The following RUSC2 variants were observed in gnomAD, a reference collection of about 807,000 sequenced individuals.
RUSC2 encodes AP-4 complex accessory subunit RUSC2.
RUSC2 carries 34 observed loss-of-function variants against 122.2 expected under a neutral mutation model. That is an observed-to-expected ratio of 0.28 (90% CI 0.21 to 0.37). The LOEUF is 0.37. RUSC2 is among the 10% of genes least tolerant of loss of function. The pLI is 1.00. For synonymous variants in RUSC2, 784 were observed against 790.0 expected, an observed-to-expected ratio of 0.99 and a Z score of 0.13; for missense variants, 1,747 against 1,952.4, an observed-to-expected ratio of 0.89 and a Z score of 1.98.
chr9:35,537,350 A>G (rs915706098), intron 1 of RUSC2, among the ~76,000 whole-genome samples: 2 of 152,092 alleles, frequency 1.3e-5, no homozygotes, highest in East Asian at 1.9e-4. Flanking sequence ...TGCTTATCCA[A>G]CCCCGCTTTG....
intron 5 of RUSC2, 34 bp downstream of exon 5, chr9:35,556,482 T>C (rs1382691928): frequency 6.2e-7 from 1 of 1,604,254 alleles, no homozygotes; most frequent in Non-Finnish European, 8.5e-7. Flanking sequence ...CCAGGGACTC[T>C]GCTGTCACTA....
intron 1 of RUSC2, among the ~76,000 whole-genome samples, chr9:35,491,913 C>CA (rs373632432): frequency 1.1e-4 from 16 of 152,190 alleles, no homozygotes; most frequent in African/African-American, 3.9e-4. Context: ...GCAGATGTTG[C>CA]AGTGAGCTGA....
At position 35,555,558 on chromosome 9, in the gene RUSC2, A is replaced by G. The variant is rs1000150531; in HGVS notation, c.2513A>G (p.Gln838Arg). The G allele has an allele frequency of 6.2e-7, 1 of 1,614,038 alleles. No individual in the cohort carries two copies. The highest frequency in any genetic ancestry group is 1.7e-5 in the Admixed American group (1 of 59,980). The change falls in exon 3 of 12, where the codon CAG becomes CGG. Residue 838 changes from glutamine (Q) to arginine (R), a missense_variant. Transcript: ENST00000361226. This position sits in a 1 kb window ranked among gnomAD's most constrained non-coding sequence, Gnocchi z 4.6. The stretch of plus-strand genomic sequence containing the variant: ...TCCCAGCAGCCGCAGAAGGAGGATC[A>G]GAAGATACTGACCTTGACTGAGTAC... ...ATSQQPQKED[Q>R]KILTLTEYRL...
chr9:35,526,232 A>G (rs1406029203), intron 1 of RUSC2, among the ~76,000 whole-genome samples: 3 of 152,126 alleles, frequency 2.0e-5, no homozygotes, highest in African/African-American at 7.2e-5. Flanking sequence ...GGATCTCTCT[A>G]TTGCTTATGA....
intron 1 of RUSC2, among the ~76,000 whole-genome samples, chr9:35,510,230 C>CT (rs925111844): frequency 6.6e-6 from 1 of 152,130 alleles, no homozygotes; most frequent in African/African-American, 2.4e-5. Flanking sequence ...AAGTAATTGG[C>CT]TGGGCATATG....
rs1822150610 is a variant in RUSC2 at position 35,561,033 on chromosome 9, G to A, written c.4285G>A (p.Glu1429Lys). ...LVAQTVGSRREPEPKESLQEP... is the reference protein window; with the variant it reads ...LVAQTVGSRRKPEPKESLQEP... ...GGCGCAGACAGTGGGTTCCCGCCGG[G>A]AGCCAGAGCCCAAGGAGAGCCTGCA... is the stretch of plus-strand genomic sequence containing the variant. Residue 1429 changes from glutamate (E) to lysine (K), a missense_variant, in exon 11 of 12, where the codon GAG becomes AAG. Coordinates refer to ENST00000361226, the MANE Select transcript of RUSC2 (RefSeq NM_014806.5). 1.2e-6 allele frequency: 2 copies of A among 1,614,088 alleles called. No individual in the cohort carries two copies. Among genetic ancestry groups the A allele is most frequent in the Non-Finnish European group, 8.5e-7 (1 of 1,180,024 alleles).
intron 2 of RUSC2, among the ~76,000 whole-genome samples, chr9:35,553,910 A>C (rs1372860125): frequency 2.0e-5 from 3 of 152,266 alleles, no homozygotes; most frequent in Non-Finnish European, 4.4e-5. Context: ...CACATGTAGT[A>C]CAATGTGGTA....
intron 1 of RUSC2, among the ~76,000 whole-genome samples, chr9:35,505,779 C>T (rs1277573033): frequency 6.6e-6 from 1 of 152,004 alleles, no homozygotes; most frequent in African/African-American, 2.4e-5. Flanking sequence ...TCAGTGGATG[C>T]AGAAAACACA....
In RUSC2 at chr9:35,555,585, G is replaced by A. The variant is rs754958000; in HGVS notation, c.2540G>A (p.Arg847Gln). The change falls in exon 3 of 12, where the codon CGG becomes CAG. Residue 847 changes from arginine (R) to glutamine (Q), a missense_variant. Transcript: ENST00000361226. This position sits in a 1 kb window ranked among gnomAD's most constrained non-coding sequence, Gnocchi z 4.6. The part of the protein sequence containing the change: ...DQKILTLTEY[R>Q]LHGTGSLPPL... ...AAGATACTGACCTTGACTGAGTACC[G>A]GCTCCATGGAACAGGAAGCTTGCCG... 9.9e-6 allele frequency: 16 copies of A among 1,613,794 alleles called. No individual in the cohort carries two copies. The highest frequency in any genetic ancestry group is 1.7e-5 in the Admixed American group (1 of 59,958).
intron 1 of RUSC2, among the ~76,000 whole-genome samples, chr9:35,539,289 A>C (rs1253536456): frequency 6.6e-6 from 1 of 152,076 alleles, no homozygotes; most frequent in Non-Finnish European, 1.5e-5. Context: ...CATTGCATAC[A>C]TTTGGGCTAT....
chr9:35,540,150 A>G (rs1193262549), intron 1 of RUSC2, among the ~76,000 whole-genome samples: 5 of 152,104 alleles, frequency 3.3e-5, no homozygotes, highest in African/African-American at 7.2e-5. Context: ...TGGGAGGATC[A>G]CTTGAGCCTA....
At chr9:35,536,773 C>G (rs1023640413) in intron 1 of RUSC2, among the ~76,000 whole-genome samples, 1 of 141,110 alleles carries the variant, frequency 7.1e-6, no homozygotes, top group South Asian at 2.2e-4. Context: ...AAGATCGCGC[C>G]ACTGCACTCC....
chr9:35,511,278 G>C (rs554303421), intron 1 of RUSC2, among the ~76,000 whole-genome samples: 1 of 152,320 alleles, frequency 6.6e-6, no homozygotes, highest in African/African-American at 2.4e-5. Flanking sequence ...GTTAAAGGGG[G>C]AGAAAAGGAG....
At chr9:35,503,979 C>T (rs1190831244) in intron 1 of RUSC2, among the ~76,000 whole-genome samples, 17 of 151,930 alleles carry the variant, frequency 1.1e-4, no homozygotes, top group African/African-American at 2.7e-4. Flanking sequence ...TTTACCATGT[C>T]GCCCAGGGTG....
At chr9:35,534,607 G>A (rs555289837) in intron 1 of RUSC2, among the ~76,000 whole-genome samples, 5 of 152,256 alleles carry the variant, frequency 3.3e-5, no homozygotes, top group East Asian at 1.9e-4. Flanking sequence ...TTAGCCTCCC[G>A]AGTAGCTGGG....
rs141631057 is a variant in RUSC2 at position 35,547,592 on chromosome 9, T to G, written c.1071T>G (p.Pro357=). ...GGYGCPHASS[P]ELDANCNSYR... Reference sequence around the variant, plus strand: ...ATGGTTGCCCTCATGCCTCTTCTCCTGAGCTTGATGCCAACTGCAACTCCT... The same window carrying G: ...ATGGTTGCCCTCATGCCTCTTCTCCGGAGCTTGATGCCAACTGCAACTCCT... Residue 357 remains proline, a synonymous_variant, in exon 2 of 12, where the codon CCT becomes CCG. Coordinates refer to ENST00000361226, the MANE Select transcript of RUSC2 (RefSeq NM_014806.5). This position sits in a 1 kb window ranked among gnomAD's most constrained non-coding sequence, Gnocchi z 4.6. 5,799 of 1,614,202 alleles carry G rather than the reference T, an allele frequency of 3.6e-3. 21 individuals carry two copies. The highest frequency in any genetic ancestry group is 3.8e-3 in the Non-Finnish European group (4,473 of 1,180,026).
chr9:35,503,564 C>T (rs749230753), intron 1 of RUSC2, among the ~76,000 whole-genome samples: 54 of 152,230 alleles, frequency 3.5e-4, no homozygotes, highest in South Asian at 1.9e-3. Context: ...CTGCTATAAA[C>T]GTGTGTACAT....
intron 2 of RUSC2, chr9:35,549,293 G>GTTTTTT (rs10625373): frequency 2.9e-5 from 23 of 802,094 alleles, no homozygotes; most frequent in Admixed American, 6.3e-5. Flanking sequence ...CGTCAGTGAA[G>GTTTTTT]TTTTTTTTTT....
rs570488011 is a variant in RUSC2 at position 35,560,649 on chromosome 9, C to T, written c.4009C>T (p.Arg1337Trp). Reference protein sequence around the residue: ...ACPASEEALGRERGWPFWMGS... With the variant: ...ACPASEEALGWERGWPFWMGS... ...CCCTGCCTCTGAGGAGGCCCTGGGC[C>T]GGGAAAGGGGCTGGCCCTTCTGGAT... The change falls in exon 10 of 12, where the codon CGG becomes TGG. Residue 1337 changes from arginine (R) to tryptophan (W), a missense_variant. Arg to Trp is a moderately radical substitution (Grantham distance 101). Coordinates refer to ENST00000361226, the MANE Select transcript of RUSC2 (RefSeq NM_014806.5). 3.1e-5 allele frequency: 50 copies of T among 1,597,306 alleles called. No individual in the cohort carries two copies. Among genetic ancestry groups the T allele is most frequent in the Non-Finnish European group, 3.7e-5 (43 of 1,171,660 alleles).
Sources: allele counts gnomAD v4.1 joint callset (sites outside exome capture counted in the v4.1 genomes callset), GRCh38; gene constraint gnomAD v4.1.1; non-coding constraint Gnocchi (gnomAD v3.1); transcripts MANE v1.5; gene names NCBI Gene and HGNC (gene_info 2026-07-23, HGNC 2026-07-21).